ABCD4: variants seen among roughly 807,000 people sequenced by gnomAD.
ABCD4 encodes ATP binding cassette subfamily D member 4, also known as lysosomal cobalamin transporter ABCD4.
A neutral mutation model predicts 86.3 loss-of-function variants in ABCD4; 53 were observed. The ratio of observed to expected loss-of-function variants is 0.61; its 90% confidence interval spans 0.49 to 0.77. ABCD4 has a LOEUF of 0.77. Among genes scored for constraint, ABCD4 ranks in the 30% least tolerant of loss-of-function variants. The pLI is 0.00. For missense variants in ABCD4, 757 were observed against 764.5 expected (o/e 0.99, Z 0.12); for synonymous variants, 328 against 313.6 (o/e 1.05, Z -0.49).
chr14:74,293,490 A>C, intron 7 of ABCD4: 1 of 408,334 alleles, frequency 2.4e-6, no homozygotes. Context: ...CTGGCCAGTT[A>C]CTAGCTGCGT....
At chr14:74,292,895 C>T (rs1386978725) in intron 8 of ABCD4, 26 bp from the exon 9 acceptor site, 3 of 1,613,820 alleles carry the variant, frequency 1.9e-6, no homozygotes, top group Non-Finnish European at 2.5e-6. Flanking sequence ...CTGTGAGACA[C>T]CCAGGAACCA....
chr14:74,294,881 ATTC>A (rs2082448855), intron 7 of ABCD4: 3 of 507,858 alleles, frequency 5.9e-6, no homozygotes, highest in Non-Finnish European at 1.1e-5. Context: ...AGGATGAGGC[ATTC>A]ATTCATTTGA....
intron 1 of ABCD4, among the ~76,000 whole-genome samples, chr14:74,301,228 C>G (rs973551150): frequency 6.6e-6 from 1 of 150,670 alleles, no homozygotes; most frequent in Non-Finnish European, 1.5e-5. Context: ...GGTGCGATCT[C>G]AGCTCAGGGC....
chr14:74,286,641 G>C, intron 18 of ABCD4, 60 bp downstream of exon 18: 2 of 1,612,960 alleles, frequency 1.2e-6, no homozygotes, highest in Non-Finnish European at 1.7e-6. Context: ...CTCTGGCCCT[G>C]GCCAGGCTGA....
intron 18 of ABCD4, 58 bp from the exon 19 acceptor site, chr14:74,286,587 C>T (rs1415525924): frequency 6.2e-7 from 1 of 1,612,270 alleles, no homozygotes; most frequent in Non-Finnish European, 8.5e-7. Flanking sequence ...GCAGAGGAGG[C>T]CACTCGGTTC....
intron 16 of ABCD4, 21 bp downstream of exon 16, chr14:74,288,186 G>A (rs555843560): frequency 3.2e-5 from 52 of 1,611,680 alleles, no homozygotes; most frequent in Middle Eastern, 3.4e-4. Context: ...TATCTCTGGA[G>A]CACCCAAGCT....
chr14:74,296,914 G>A (rs1199305587), intron 4 of ABCD4: 1 of 153,376 alleles, frequency 6.5e-6, no homozygotes, highest in Non-Finnish European at 1.5e-5. Flanking sequence ...TCAGGGGGCA[G>A]AGGCAGGATG....
chr14:74,290,668 A>G (rs1021353623), intron 11 of ABCD4, among the ~76,000 whole-genome samples, 169 bp from the exon 12 acceptor site: 4 of 144,512 alleles, frequency 2.8e-5, no homozygotes, highest in African/African-American at 7.8e-5. Context: ...ATGTAACTGC[A>G]TTCGGAGGCA....
intron 11 of ABCD4, among the ~76,000 whole-genome samples, chr14:74,290,841 G>A (rs1210894904): frequency 6.6e-6 from 1 of 151,934 alleles, no homozygotes; most frequent in African/African-American, 2.4e-5. Context: ...CCACCACCGT[G>A]CCCATATTTT....
At chr14:74,296,311 C>G in intron 5 of ABCD4, 22 bp downstream of exon 5, 2 of 1,608,840 alleles carry the variant, frequency 1.2e-6, no homozygotes, top group Non-Finnish European at 1.7e-6. Flanking sequence ...AAACACCAGG[C>G]TGGGGAGGAG....
intron 10 of ABCD4, 76 bp downstream of exon 10, chr14:74,292,475 T>G (rs964208809): frequency 1.7e-5 from 27 of 1,592,804 alleles, no homozygotes; most frequent in Admixed American, 3.4e-5. Context: ...ATGTCTCTGT[T>G]CCTTTTTTCA....
intron 7 of ABCD4, 25 bp from the exon 8 acceptor site, chr14:74,293,273 C>T (rs368648822): frequency 8.7e-5 from 140 of 1,612,802 alleles, no homozygotes; most frequent in Non-Finnish European, 2.3e-5. Flanking sequence ...CTGGGATGTC[C>T]ACAGGGCTGG....
chr14:74,290,064 T>G lies in ABCD4; in HGVS notation c.1382A>C (p.Gln461Pro). Residue 461 changes from glutamine to proline, a missense_variant, in exon 13 of 19, where the codon CAA (glutamine) becomes CCA (proline). Coordinates refer to ENST00000356924, the MANE Select transcript of ABCD4 (RefSeq NM_005050.4). ...GGTCCCGTCAGTGAAGAATGGCTTTTGTGGCAGGAATAGCACCCCATGGGG... is the reference window on the plus strand; with the variant it reads ...GGTCCCGTCAGTGAAGAATGGCTTTGGTGGCAGGAATAGCACCCCATGGGG... The part of the protein sequence containing the change: ...FGPHGVLFLP[Q>P]KPFFTDGTLR... 6.2e-7 allele frequency: 1 copy of G among 1,614,154 alleles called. No individual in the cohort carries two copies. The highest frequency in any genetic ancestry group is 1.3e-5 in the African/African-American group (1 of 75,028).
In ABCD4 at chr14:74,292,560, T is replaced by C. The variant is rs1446995315; in HGVS notation, c.1019A>G (p.Tyr340Cys). 12 of 1,613,856 alleles carry C rather than the reference T, an allele frequency of 7.4e-6. No homozygotes were observed. The African/African-American group carries it at 9.3e-5, about 13-fold the overall frequency. Residue 340 changes from tyrosine to cysteine, a missense_variant, in exon 10 of 19, where the codon TAC (tyrosine) becomes TGC (cysteine). Tyr to Cys is a radical substitution (Grantham distance 194). Transcript: ENST00000356924. ...LSTTLSDVAG[Y>C]THRIGQLRET... Reference sequence around the variant, plus strand: ...TGGGACACGGCCTCACCTGTGCGTGTAGCCAGCCACATCTGAGAGCGTCGT... The same window carrying C: ...TGGGACACGGCCTCACCTGTGCGTGCAGCCAGCCACATCTGAGAGCGTCGT...
intron 1 of ABCD4, among the ~76,000 whole-genome samples, chr14:74,302,612 G>T (rs1398760537): frequency 6.6e-6 from 1 of 152,186 alleles, no homozygotes; most frequent in African/African-American, 2.4e-5. Flanking sequence ...TTCAAAAAAA[G>T]AATGCCAGTT....
rs1380464071 is a variant in ABCD4, at chr14:74,295,178, C to T, written c.689G>A (p.Arg230Gln). Reference protein sequence around the residue: ...GDFRFKHMQIRVNAEPAAFYR... With the variant: ...GDFRFKHMQIQVNAEPAAFYR... ...GAAAGCAGCAGGCTCCGCATTCACC[C>T]GAATCTGCATGTGCTTGAACCTGGG... is the stretch of plus-strand genomic sequence containing the variant. Residue 230 changes from arginine to glutamine, a missense_variant, in exon 7 of 19, where the codon CGG becomes CAG. Physicochemically the swap from Arg to Gln is conservative, Grantham distance 43. Coordinates refer to ENST00000356924, the MANE Select transcript of ABCD4 (RefSeq NM_005050.4). 9 of 1,614,190 alleles carry T rather than the reference C, an allele frequency of 5.6e-6. No homozygotes were observed. Among genetic ancestry groups the T allele is most frequent in the East Asian group, 4.5e-5 (2 of 44,882 alleles).
intron 7 of ABCD4, chr14:74,294,858 A>G (rs1374363842): frequency 2.1e-5 from 10 of 465,692 alleles, no homozygotes; most frequent in South Asian, 6.0e-5. Context: ...GATGTCTTAC[A>G]GTCACCAGCA....
Position 74,292,537 on chromosome 14 carries a change from G to T in ABCD4, c.1028+14C>A. 6.2e-7 allele frequency: 1 copy of T among 1,613,016 alleles called. No homozygotes were observed. Among genetic ancestry groups the T allele is most frequent in the African/African-American group, 1.3e-5 (1 of 75,026 alleles). On this transcript the variant is annotated intron_variant, in intron 10 of 18. Transcript: ENST00000356924. ...ACTTTGCTCAGGAGCCAGAGGGGTG[G>T]GACACGGCCTCACCTGTGCGTGTAG...
Position 74,290,283 on chromosome 14 carries a change from G to A in ABCD4, c.1327+8C>T, listed in dbSNP as rs199678602. The A allele has an allele frequency of 6.4e-5, 103 of 1,614,096 alleles. No homozygotes were observed. The highest frequency in any genetic ancestry group is 8.6e-5 in the Non-Finnish European group (101 of 1,179,998). On this transcript the variant is annotated splice_region_variant and intron_variant, in intron 12 of 18. Coordinates refer to ENST00000356924, the MANE Select transcript of ABCD4 (RefSeq NM_005050.4). ...CTGGGTCAGAGGCAGGGAGGGCCTG[G>A]CTCTCACCCCGTGTACTCGTCCAGA...
Sources: gnomAD v4.1 joint callset for allele counts (sites outside exome capture counted in the v4.1 genomes callset) on GRCh38, gnomAD v4.1.1 for gene constraint, MANE v1.5 for transcripts, NCBI Gene and HGNC (gene_info 2026-07-23, HGNC 2026-07-21) for gene names.